SBF2: variants seen among roughly 807,000 people sequenced by gnomAD.
The protein encoded by SBF2 is myotubularin-related protein 13.
A neutral mutation model predicts 225.2 loss-of-function variants in SBF2; 112 were observed. The observed-to-expected ratio is 0.50, with a 90% CI of 0.43 to 0.58. SBF2 has a LOEUF of 0.58. Among genes scored for constraint, SBF2 ranks in the 20% least tolerant of loss-of-function variants. The pLI is 0.00. For missense variants in SBF2, 1,996 were observed against 2,206.2 expected (o/e 0.90, Z 1.91); for synonymous variants, 763 against 773.3 (o/e 0.99, Z 0.22).
chr11:9,912,432 A>G (rs1862713646), intron 16 of SBF2, among the ~76,000 whole-genome samples: 2 of 151,342 alleles, frequency 1.3e-5, no homozygotes, highest in Non-Finnish European at 2.9e-5. Flanking sequence ...TAAAAATACA[A>G]AAATTAGCTG....
At chr11:10,069,114 T>G (rs1950749621) in intron 2 of SBF2, among the ~76,000 whole-genome samples, 1 of 152,230 alleles carries the variant, frequency 6.6e-6, no homozygotes, top group Admixed American at 6.5e-5. Flanking sequence ...CATTTACCCT[T>G]ATTTAGATAC....
At chr11:9,988,933 G>A (rs757527200) in intron 13 of SBF2, among the ~76,000 whole-genome samples, 2 of 151,986 alleles carry the variant, frequency 1.3e-5, no homozygotes, top group Non-Finnish European at 2.9e-5. Flanking sequence ...GTCATTCTTC[G>A]AAAAAGATAC....
At chr11:10,182,254 T>C (rs542412099) in intron 2 of SBF2, among the ~76,000 whole-genome samples, 1 of 152,288 alleles carries the variant, frequency 6.6e-6, no homozygotes, top group African/African-American at 2.4e-5. Flanking sequence ...AATATAAAAA[T>C]TCATTCCTTA....
intron 1 of SBF2, among the ~76,000 whole-genome samples, chr11:10,301,090 G>A (rs1244597024): frequency 3.9e-5 from 6 of 152,110 alleles, no homozygotes; most frequent in Admixed American, 1.3e-4. Flanking sequence ...GGCAGCAAAC[G>A]CATTACTTTT....
chr11:9,951,355 G>C (rs1865851067), intron 16 of SBF2, among the ~76,000 whole-genome samples: 1 of 152,186 alleles, frequency 6.6e-6, no homozygotes, highest in African/African-American at 2.4e-5. Flanking sequence ...TGGGGAAATG[G>C]AGAACAGTTA....
chr11:9,946,525 A>G (rs781317026), intron 16 of SBF2, among the ~76,000 whole-genome samples: 1 of 147,876 alleles, frequency 6.8e-6, no homozygotes, highest in South Asian at 2.1e-4. Context: ...ATCTCGGCTC[A>G]TGGCAAACTC....
intron 1 of SBF2, among the ~76,000 whole-genome samples, chr11:10,213,455 T>A (rs1454964110): frequency 1.3e-5 from 2 of 152,228 alleles, no homozygotes; most frequent in Admixed American, 6.5e-5. Context: ...ATTAATAGAT[T>A]CAGCCCAAAC....
At chr11:9,954,113 A>G (rs1476370079) in intron 16 of SBF2, among the ~76,000 whole-genome samples, 2 of 152,198 alleles carry the variant, frequency 1.3e-5, no homozygotes, top group Admixed American at 1.3e-4. Flanking sequence ...CCTCTATGAA[A>G]CAGTGCTATA....
chr11:9,849,133 G>A (rs771382927), intron 22 of SBF2, among the ~76,000 whole-genome samples: 13 of 152,126 alleles, frequency 8.5e-5, no homozygotes, highest in Non-Finnish European at 1.6e-4. Context: ...TATTTCTACT[G>A]CTTCAGATTC....
intron 6 of SBF2, among the ~76,000 whole-genome samples, chr11:10,023,837 A>G (rs113772706): frequency 0.053 from 8,113 of 152,284 alleles, 300 homozygotes; most frequent in Middle Eastern, 0.16. Context: ...GAACATTCAC[A>G]TACAAGTTTT....
chr11:10,196,563 G>A (rs1044673298), intron 1 of SBF2, among the ~76,000 whole-genome samples: 6 of 151,608 alleles, frequency 4.0e-5, no homozygotes. Context: ...ATTTTTTGTA[G>A]AGACCGGGTT....
At chr11:9,793,846 T>C (rs1049665113) in intron 33 of SBF2, among the ~76,000 whole-genome samples, 1 of 152,230 alleles carries the variant, frequency 6.6e-6, no homozygotes, top group Non-Finnish European at 1.5e-5. Context: ...GCACTAGACC[T>C]TGTTGCTTCT....
At chr11:9,999,704 T>C (rs1441921467) in intron 8 of SBF2, among the ~76,000 whole-genome samples, 1 of 152,218 alleles carries the variant, frequency 6.6e-6, no homozygotes, top group Non-Finnish European at 1.5e-5. Flanking sequence ...AATTAGGTTT[T>C]ATTAAATGTT....
At chr11:10,009,645 T>A (rs1053091532) in intron 6 of SBF2, among the ~76,000 whole-genome samples, 3 of 152,240 alleles carry the variant, frequency 2.0e-5, no homozygotes, top group African/African-American at 7.2e-5. Context: ...ACATTTTCTT[T>A]ATCCAGTCTA....
At chr11:9,830,774 AC>A (rs1310692634) in intron 27 of SBF2, among the ~76,000 whole-genome samples, 135 of 146,558 alleles carry the variant, frequency 9.2e-4, no homozygotes, top group African/African-American at 3.2e-3. Flanking sequence ...ACAAAACAAA[AC>A]AAAAAACAAA....
chr11:10,156,168 A>G (rs1282660049), intron 2 of SBF2, among the ~76,000 whole-genome samples: 1 of 152,180 alleles, frequency 6.6e-6, no homozygotes. Flanking sequence ...CTCTGATTTC[A>G]GAGAAAAGCT....
intron 17 of SBF2, among the ~76,000 whole-genome samples, chr11:9,878,324 T>C (rs553635915): frequency 6.6e-6 from 1 of 152,342 alleles, no homozygotes; most frequent in African/African-American, 2.4e-5. Context: ...TTGCAAAAAT[T>C]TCCTCCCATT....
At chr11:10,186,474 A>G (rs1276317658) in intron 2 of SBF2, among the ~76,000 whole-genome samples, 1 of 152,170 alleles carries the variant, frequency 6.6e-6, no homozygotes, top group Admixed American at 6.5e-5. Flanking sequence ...CGTGGTTACA[A>G]TGAACTAAGA....
At chr11:10,094,528 ATTT>A (rs60485793) in intron 2 of SBF2, among the ~76,000 whole-genome samples, 3 of 107,298 alleles carry the variant, frequency 2.8e-5, no homozygotes, top group African/African-American at 6.6e-5. Flanking sequence ...ATACACACAG[ATTT>A]TTTTTTTTTT....
Sources: allele counts gnomAD v4.1 joint callset (sites outside exome capture counted in the v4.1 genomes callset), GRCh38; gene constraint gnomAD v4.1.1; transcripts MANE v1.5; gene names NCBI Gene and HGNC (gene_info 2026-07-23, HGNC 2026-07-21).